The following ATP9B variants were observed in gnomAD, a reference collection of about 807,000 sequenced individuals.
The protein encoded by ATP9B is ATPase phospholipid transporting 9B, also known as probable phospholipid-transporting ATPase IIB.
A neutral mutation model predicts 146.1 loss-of-function variants in ATP9B; 110 were observed. The observed-to-expected ratio is 0.75, with a 90% CI of 0.65 to 0.88. ATP9B has a LOEUF of 0.88. Among genes scored for constraint, ATP9B ranks in the 40% least tolerant of loss-of-function variants. ATP9B has a pLI of 0.00. For synonymous variants in ATP9B, 604 were observed against 569.7 expected, an observed-to-expected ratio of 1.06 and a Z score of -0.86; for missense variants, 1,499 against 1,496.4, an observed-to-expected ratio of 1.00 and a Z score of -0.03.
chr18:79,162,632 C>G (rs1014777414), intron 7 of ATP9B, among the ~76,000 whole-genome samples: 4 of 152,186 alleles, frequency 2.6e-5, no homozygotes, highest in African/African-American at 9.7e-5. Context: ...CACATGGTCT[C>G]TGTAGTGCTA....
chr18:79,256,301 G>A (rs1345420717), intron 12 of ATP9B, among the ~76,000 whole-genome samples: 3 of 93,130 alleles, frequency 3.2e-5, no homozygotes, highest in African/African-American at 5.1e-5. Flanking sequence ...ACATAGTGAG[G>A]CTATGTTATT....
chr18:79,085,479 G>C (rs1162646140), intron 1 of ATP9B: 1 of 152,204 alleles, frequency 6.6e-6, no homozygotes, highest in African/African-American at 2.4e-5. Flanking sequence ...GCCACACATA[G>C]TAGCTCATAG....
chr18:79,249,359 T>G (rs1266089482), intron 11 of ATP9B, among the ~76,000 whole-genome samples: 1 of 152,200 alleles, frequency 6.6e-6, no homozygotes, highest in African/African-American at 2.4e-5. Context: ...AGATTAAAAT[T>G]TGCAGTAGCA....
chr18:79,082,126 A>C (rs1259782358), intron 1 of ATP9B, among the ~76,000 whole-genome samples: 2 of 151,836 alleles, frequency 1.3e-5, no homozygotes, highest in African/African-American at 4.8e-5. Context: ...TTTTTCTCTA[A>C]TCTTGTCTTC....
At chr18:79,090,233 T>C (rs748485208) in intron 1 of ATP9B, among the ~76,000 whole-genome samples, 9 of 152,206 alleles carry the variant, frequency 5.9e-5, no homozygotes, top group Non-Finnish European at 1.3e-4. Flanking sequence ...GCAACAAACA[T>C]AGGAATGCAG....
At position 79,329,263 on chromosome 18, in the gene ATP9B, CT is replaced by C; in HGVS notation, c.1898del (p.Phe633SerfsTer24). The C allele has an allele frequency of 6.2e-7, 1 of 1,612,132 alleles. No individual in the cohort carries two copies. Among genetic ancestry groups the C allele is most frequent in the Non-Finnish European group, 8.5e-7 (1 of 1,179,378 alleles). On this transcript the variant is annotated frameshift_variant, in exon 16 of 30. Coordinates refer to ENST00000426216, the MANE Select transcript of ATP9B (RefSeq NM_198531.5). LOFTEE classifies it high-confidence loss of function. Reference sequence around the variant, plus strand: ...GCTTCTGCATTCTGCAGCTGTTTCCCTTCACCTCCGAGAGCAAGCGGATGGG... The same window carrying C: ...GCTTCTGCATTCTGCAGCTGTTTCCCTCACCTCCGAGAGCAAGCGGATGGG... Reference protein sequence around the residue: ...LSFCILQLFPFTSESKRMGVI... With the variant: ...LSFCILQLFPXTSESKRMGVI...
intron 12 of ATP9B, among the ~76,000 whole-genome samples, chr18:79,261,757 G>A (rs75775539): frequency 1.4e-3 from 217 of 152,256 alleles, no homozygotes; most frequent in Non-Finnish European, 2.5e-3. Context: ...AGTGCTCCAT[G>A]GCTACTGTTT....
chr18:79,073,224 G>T (rs1037029430), intron 1 of ATP9B, among the ~76,000 whole-genome samples: 1 of 152,178 alleles, frequency 6.6e-6, no homozygotes, highest in African/African-American at 2.4e-5. Context: ...TCCTAGATGG[G>T]GTGGCAGCTG....
chr18:79,228,402 A>G (rs1465607984), intron 11 of ATP9B, among the ~76,000 whole-genome samples: 2 of 152,192 alleles, frequency 1.3e-5, no homozygotes, highest in African/African-American at 2.4e-5. Context: ...AACTCCTCTT[A>G]CTGTGAAGCC....
chr18:79,073,011 C>T (rs867689886), intron 1 of ATP9B, among the ~76,000 whole-genome samples: 18 of 151,370 alleles, frequency 1.2e-4, no homozygotes, highest in East Asian at 3.9e-4. Flanking sequence ...CAGGAAGAGG[C>T]GCTCCTCACT....
rs758519466 is a variant in ATP9B, at chr18:79,347,844, G to A, written c.2757G>A (p.Val919=). The A allele has an allele frequency of 2.5e-6, 4 of 1,613,754 alleles. No individual in the cohort carries two copies. In the East Asian group the frequency reaches 8.9e-5, roughly 36 times the overall value. Residue 919 remains valine, a synonymous_variant, in exon 24 of 30, where the codon GTG becomes GTA. Coordinates refer to ENST00000426216, the MANE Select transcript of ATP9B (RefSeq NM_198531.5). ...QFRHIGRLLM[V]HGRNSYKRSA... Reference sequence around the variant, plus strand: ...GGCACATAGGCAGGCTGCTCATGGTGCACGGGCGGAACAGCTACAAGAGGT... The same window carrying A: ...GGCACATAGGCAGGCTGCTCATGGTACACGGGCGGAACAGCTACAAGAGGT...
intron 5 of ATP9B, among the ~76,000 whole-genome samples, chr18:79,135,696 T>C (rs2094439364): frequency 6.6e-6 from 1 of 152,238 alleles, no homozygotes; most frequent in Non-Finnish European, 1.5e-5. Flanking sequence ...TTTGTTGTTC[T>C]AAGAACTCTT....
intron 15 of ATP9B, among the ~76,000 whole-genome samples, chr18:79,325,786 GC>G: frequency 6.6e-6 from 1 of 152,314 alleles, no homozygotes; most frequent in South Asian, 2.1e-4. Flanking sequence ...CTTGCACGCA[GC>G]ATCTCCAGAG....
intron 7 of ATP9B, chr18:79,174,171 G>T: frequency 4.7e-6 from 2 of 430,078 alleles, no homozygotes; most frequent in African/African-American, 2.1e-5. Flanking sequence ...TCCCTTAAAG[G>T]TTTTATTCAT....
At chr18:79,276,845 G>A (rs140006056) in intron 12 of ATP9B, among the ~76,000 whole-genome samples, 1 of 152,296 alleles carries the variant, frequency 6.6e-6, no homozygotes, top group East Asian at 1.9e-4. Flanking sequence ...TAAAAAATAC[G>A]TGTATATGGA....
At chr18:79,108,345 C>T (rs2075791031) in intron 2 of ATP9B, among the ~76,000 whole-genome samples, 1 of 152,160 alleles carries the variant, frequency 6.6e-6, no homozygotes, top group Admixed American at 6.5e-5. Flanking sequence ...AAAATATTAT[C>T]AGCATTTTAT....
At chr18:79,167,780 C>G (rs1274148488) in intron 7 of ATP9B, among the ~76,000 whole-genome samples, 2 of 152,194 alleles carry the variant, frequency 1.3e-5, no homozygotes, top group Non-Finnish European at 2.9e-5. Context: ...AACTGGCAGC[C>G]CGGCCCCGAG....
chr18:79,357,196 C>T (rs1445352676), intron 25 of ATP9B, among the ~76,000 whole-genome samples: 2 of 6,302 alleles, frequency 3.2e-4, no homozygotes, highest in African/African-American at 8.3e-4. Context: ...TGAGGGGTGC[C>T]CTGGGTCTGG....
At chr18:79,133,737 GAT>G (rs143048003) in intron 5 of ATP9B, among the ~76,000 whole-genome samples, 2,866 of 152,302 alleles carry the variant, frequency 0.019, 45 homozygotes, top group Non-Finnish European at 0.029. Flanking sequence ...TTTCACTTGA[GAT>G]GTGTGTGCTA....
Sources: allele counts gnomAD v4.1 joint callset (sites outside exome capture counted in the v4.1 genomes callset), GRCh38; gene constraint gnomAD v4.1.1; transcripts MANE v1.5; gene names NCBI Gene and HGNC (gene_info 2026-07-23, HGNC 2026-07-21).